The following GPHN variants were observed in gnomAD, a reference collection of about 807,000 sequenced individuals.
GPHN encodes the protein gephyrin.
A neutral mutation model predicts 95.5 loss-of-function variants in GPHN; 17 were observed. The observed-to-expected ratio is 0.18, with a 90% CI of 0.12 to 0.27. The LOEUF is 0.27. GPHN is among the 10% of genes least tolerant of loss of function. The pLI is 1.00. For missense variants in GPHN, 660 were observed against 978.1 expected, an observed-to-expected ratio of 0.67 and a Z score of 4.34; for synonymous variants, 320 against 322.5, an observed-to-expected ratio of 0.99 and a Z score of 0.08.
the GPHN span, among the ~76,000 whole-genome samples, chr14:67,297,980 A>G: frequency 3.3e-5 from 5 of 152,320 alleles, no homozygotes; most frequent in South Asian, 8.3e-4. Context: ...TGAGACAGCT[A>G]GTATAATCAC....
At chr14:66,516,647 G>A (rs1027856364) in intron 1 of GPHN, among the ~76,000 whole-genome samples, 3 of 152,164 alleles carry the variant, frequency 2.0e-5, no homozygotes, top group Middle Eastern at 3.2e-3. Flanking sequence ...AAATGTGTCT[G>A]CCTGATGCTG....
chr14:66,967,589 A>C (rs1313094883), intron 9 of GPHN, among the ~76,000 whole-genome samples: 2 of 151,978 alleles, frequency 1.3e-5, no homozygotes, highest in African/African-American at 4.8e-5. Flanking sequence ...GAACATCCCT[A>C]ATCAGAAATC....
At chr14:67,221,849 G>A in the GPHN span, 1 of 1,605,676 alleles carries the variant, frequency 6.2e-7, no homozygotes. Context: ...GTGATCCCTG[G>A]TATTCAGTAG....
chr14:66,860,718 AC>A (rs1273550658), intron 4 of GPHN, among the ~76,000 whole-genome samples: 1 of 152,082 alleles, frequency 6.6e-6, no homozygotes, highest in African/African-American at 2.4e-5. Context: ...AAGAGACACA[AC>A]AAAAAGTTAA....
chr14:67,179,824 T>A (rs1181920865), intron 22 of GPHN, 150 bp downstream of exon 22: 1 of 623,976 alleles, frequency 1.6e-6, no homozygotes, highest in East Asian at 2.8e-5. Flanking sequence ...TCCTAAACAG[T>A]ATAGCAAAAG....
At chr14:67,187,457 T>C in the GPHN span, among the ~76,000 whole-genome samples, 3 of 152,170 alleles carry the variant, frequency 2.0e-5, no homozygotes, top group African/African-American at 7.2e-5. Flanking sequence ...AACTCCCTCC[T>C]TTCCATTGAC....
intron 17 of GPHN, among the ~76,000 whole-genome samples, chr14:67,129,363 T>C (rs1000654459): frequency 6.6e-6 from 1 of 152,132 alleles, no homozygotes; most frequent in African/African-American, 2.4e-5. Context: ...GCCATAAACA[T>C]AGTGATAAGT....
chr14:67,593,669 T>G, the GPHN span: 6 of 838,488 alleles, frequency 7.2e-6, no homozygotes, highest in East Asian at 1.5e-4. Flanking sequence ...GGTTTTAGTT[T>G]AAATCTGGGA....
At chr14:67,009,289 A>C (rs2072820936) in intron 9 of GPHN, among the ~76,000 whole-genome samples, 1 of 152,166 alleles carries the variant, frequency 6.6e-6, no homozygotes, top group South Asian at 2.1e-4. Flanking sequence ...TGAGCTTGGC[A>C]TAGCTGCTTT....
chr14:66,797,153 T>C (rs990334632), intron 3 of GPHN, among the ~76,000 whole-genome samples: 5 of 151,764 alleles, frequency 3.3e-5, no homozygotes, highest in Non-Finnish European at 7.4e-5. Flanking sequence ...GTATGTGGAT[T>C]TGTTTCTGGG....
At chr14:67,235,784 C>T in the GPHN span, among the ~76,000 whole-genome samples, 2 of 152,024 alleles carry the variant, frequency 1.3e-5, no homozygotes, top group Non-Finnish European at 2.9e-5. Context: ...TAGGACCACT[C>T]AGATGGGTAC....
Position 66,691,190 on chromosome 14 carries a change from T to A in GPHN, c.143+10005T>A, listed in dbSNP as rs148005230. On this transcript the variant is annotated intron_variant, in intron 2 of 22. Transcript: ENST00000478722. ...GACACTGTCTCTACAATTTTTATTT[T>A]TTTTTTTTATTTTTAGATGGAGTCT... is the stretch of plus-strand genomic sequence containing the variant. Among the ~76,000 whole-genome samples, 272 of 152,050 alleles carry A rather than the reference T, an allele frequency of 1.8e-3. 2 individuals are homozygous for A. Among genetic ancestry groups the A allele is most frequent in the Admixed American group, 3.3e-3 (50 of 15,250 alleles).
chr14:66,665,511 A>G (rs2065900841), intron 1 of GPHN, among the ~76,000 whole-genome samples: 1 of 152,210 alleles, frequency 6.6e-6, no homozygotes, highest in Non-Finnish European at 1.5e-5. Flanking sequence ...GCTCATCATC[A>G]CTGGCCATCA....
chr14:67,080,193 C>T (rs1011310899), intron 11 of GPHN, among the ~76,000 whole-genome samples: 5 of 151,962 alleles, frequency 3.3e-5, no homozygotes, highest in Non-Finnish European at 5.9e-5. Flanking sequence ...TTTATATTCT[C>T]ATTGGCTATT....
the GPHN span, among the ~76,000 whole-genome samples, chr14:67,652,934 T>C: frequency 6.6e-6 from 1 of 151,902 alleles, no homozygotes; most frequent in African/African-American, 2.4e-5. Flanking sequence ...GGGATTACAG[T>C]GCCCGCCACT....
the GPHN span, chr14:67,302,148 A>G: frequency 6.4e-7 from 1 of 1,565,882 alleles, no homozygotes; most frequent in South Asian, 1.2e-5. Flanking sequence ...TTTTTAAACA[A>G]GTGCATTTTT....
chr14:67,003,470 C>A (rs537973221), intron 9 of GPHN, among the ~76,000 whole-genome samples: 1 of 151,662 alleles, frequency 6.6e-6, no homozygotes, highest in Non-Finnish European at 1.5e-5. Context: ...ATCCAGCCTA[C>A]TTCAAGGCAT....
At chr14:66,514,090 A>G (rs2058147579) in intron 1 of GPHN, among the ~76,000 whole-genome samples, 1 of 151,990 alleles carries the variant, frequency 6.6e-6, no homozygotes, top group Admixed American at 6.5e-5. Flanking sequence ...GGATACCTAT[A>G]AGGCTTAGAA....
the GPHN span, among the ~76,000 whole-genome samples, chr14:67,373,983 C>T: frequency 5.9e-5 from 9 of 151,920 alleles, 1 homozygote; most frequent in East Asian, 1.5e-3. Context: ...ATTTGACTAC[C>T]TTTCATTTGG....
Sources: allele counts gnomAD v4.1 joint callset (sites outside exome capture counted in the v4.1 genomes callset), GRCh38; gene constraint gnomAD v4.1.1; transcripts MANE v1.5; gene names NCBI Gene and HGNC (gene_info 2026-07-23, HGNC 2026-07-21).